Variants in QRSL1 observed in about 807,000 individuals in gnomAD.
The protein encoded by QRSL1 is glutaminyl-tRNA amidotransferase subunit QRSL1.
QRSL1 carries 54 observed loss-of-function variants against 61.6 expected under a neutral mutation model. The ratio of observed to expected loss-of-function variants is 0.88; its 90% CI spans 0.70 to 1.10. QRSL1 has a LOEUF of 1.10. Ranked by LOEUF, QRSL1 falls within the 50% of genes least tolerant of loss-of-function variation. The pLI is 0.00. For synonymous variants in QRSL1, 228 were observed against 225.7 expected, an observed-to-expected ratio of 1.01 and a Z score of -0.09; for missense variants, 505 against 622.6, an observed-to-expected ratio of 0.81 and a Z score of 2.01.
intron 2 of QRSL1, 99 bp from the exon 3 acceptor site, chr6:106,640,724 A>G (rs1777003935): frequency 2.6e-6 from 3 of 1,158,924 alleles, no homozygotes; most frequent in Admixed American, 2.1e-5. Context: ...CTGAAGAAGT[A>G]TCTTTGCCAA....
chr6:106,635,892 C>A (rs563036313), intron 1 of QRSL1, among the ~76,000 whole-genome samples: 2 of 151,824 alleles, frequency 1.3e-5, no homozygotes, highest in Admixed American at 6.6e-5. Flanking sequence ...AAAGACAGTT[C>A]TTTTCCTAAG....
At chr6:106,657,039 G>A (rs1008780912) in intron 9 of QRSL1, among the ~76,000 whole-genome samples, 2 of 152,206 alleles carry the variant, frequency 1.3e-5, no homozygotes, top group African/African-American at 4.8e-5. Flanking sequence ...GAAGGCCGAG[G>A]TGGGCAGATC....
intron 7 of QRSL1, 81 bp downstream of exon 7, chr6:106,652,663 G>C: frequency 6.3e-7 from 1 of 1,590,864 alleles, no homozygotes; most frequent in Non-Finnish European, 8.6e-7. Context: ...GATTGGGTGG[G>C]TTTGAATCTC....
chr6:106,647,572 AG>A (rs1453046163), intron 4 of QRSL1, among the ~76,000 whole-genome samples: 41 of 142,590 alleles, frequency 2.9e-4, no homozygotes, highest in African/African-American at 7.8e-4. Context: ...AAAAAAAAAA[AG>A]AGAGAGACAA....
At chr6:106,660,247 G>A (rs752047104) in intron 9 of QRSL1, among the ~76,000 whole-genome samples, 1 of 152,006 alleles carries the variant, frequency 6.6e-6, no homozygotes, top group Non-Finnish European at 1.5e-5. Flanking sequence ...CACCCAAGCC[G>A]GAGTGCATTG....
intron 4 of QRSL1, among the ~76,000 whole-genome samples, chr6:106,643,876 CTTT>C (rs796253115): frequency 1.4e-5 from 2 of 142,540 alleles, no homozygotes; most frequent in Admixed American, 7.0e-5. Context: ...TCTTTTCATT[CTTT>C]TTTTTTTTTG....
At chr6:106,659,438 C>T (rs537658256) in intron 9 of QRSL1, among the ~76,000 whole-genome samples, 234 of 150,156 alleles carry the variant, frequency 1.6e-3, no homozygotes, top group Middle Eastern at 3.5e-3. Flanking sequence ...GCACCCCAGC[C>T]TGGGTGACGG....
intron 4 of QRSL1, among the ~76,000 whole-genome samples, chr6:106,645,409 G>C (rs561768397): frequency 2.0e-5 from 3 of 151,340 alleles, no homozygotes; most frequent in Non-Finnish European, 3.0e-5. Context: ...TGATTTATTC[G>C]TGTGTTTTAT....
chr6:106,641,344 A>G (rs1777016177), intron 3 of QRSL1, among the ~76,000 whole-genome samples: 1 of 152,186 alleles, frequency 6.6e-6, no homozygotes, highest in Admixed American at 6.5e-5. Flanking sequence ...TATAACCTCT[A>G]CCTTCAGCTC....
chr6:106,633,260 A>G (rs1776865768), intron 1 of QRSL1, among the ~76,000 whole-genome samples: 2 of 152,206 alleles, frequency 1.3e-5, no homozygotes, highest in Admixed American at 6.5e-5. Flanking sequence ...TATTTTTTCC[A>G]CATCACTGTA....
chr6:106,644,392 A>G (rs1777075154), intron 4 of QRSL1, among the ~76,000 whole-genome samples: 1 of 152,188 alleles, frequency 6.6e-6, no homozygotes, highest in Non-Finnish European at 1.5e-5. Flanking sequence ...TCCTGGCATC[A>G]AGTGATCCTC....
At position 106,640,870 on chromosome 6, in the gene QRSL1, A is replaced by G. The variant is rs1777008911; in HGVS notation, c.232A>G (p.Asn78Asp). The change falls in exon 3 of 11, where the codon AAT (asparagine) becomes GAT (aspartate). Residue 78 changes from asparagine (N) to aspartate (D), a missense_variant. Transcript: ENST00000369046. ...LDGIPIAVKD[N>D]FSTSGIETTC... ...TGGAATTCCTATTGCAGTAAAAGAC[A>G]ATTTCAGCACTTCTGGCATTGAGAC... 1 of 1,613,774 alleles carries G rather than the reference A, an allele frequency of 6.2e-7. No individual in the cohort carries two copies.
chr6:106,651,025 C>T (rs1267749962), intron 5 of QRSL1, among the ~76,000 whole-genome samples: 2 of 152,146 alleles, frequency 1.3e-5, no homozygotes, highest in African/African-American at 4.8e-5. Context: ...AACATGCAAT[C>T]AGTCTTCAGA....
At chr6:106,640,622 G>A in intron 2 of QRSL1, 114 bp downstream of exon 2, 1 of 1,072,892 alleles carries the variant, frequency 9.3e-7, no homozygotes, top group Non-Finnish European at 1.3e-6. Flanking sequence ...CTTATTTAAA[G>A]AACTTGCCAT....
chr6:106,642,183 G>A (rs1329658837), intron 3 of QRSL1, among the ~76,000 whole-genome samples: 1 of 152,108 alleles, frequency 6.6e-6, no homozygotes, highest in African/African-American at 2.4e-5. Flanking sequence ...CACCTCCTAA[G>A]TAGCTGAAAT....
intron 9 of QRSL1, among the ~76,000 whole-genome samples, chr6:106,659,470 A>G (rs894745327): frequency 2.6e-5 from 4 of 152,068 alleles, no homozygotes; most frequent in Non-Finnish European, 5.9e-5. Context: ...GTCTCCAAAA[A>G]AAAAAAAAAA....
intron 5 of QRSL1, 68 bp from the exon 6 acceptor site, chr6:106,652,141 A>C: frequency 7.1e-7 from 1 of 1,404,556 alleles, no homozygotes; most frequent in Non-Finnish European, 9.7e-7. Flanking sequence ...TATACAATTG[A>C]AAGGGTAGAT....
rs769008532 is a variant in QRSL1, at chr6:106,640,372, C to T, written c.48C>T (p.Gly16=). The change falls in exon 2 of 11, where the codon GGC becomes GGT. Residue 16 remains glycine (G), a synonymous_variant. Transcript: ENST00000369046. ...LREVSAALKQ[G]QITPTELCQK... ...AGGTTTCTGCGGCACTGAAACAAGG[C>T]CAAATTACACCAACAGAGCTCTGTC... 1 of 1,612,502 alleles carries T rather than the reference C, an allele frequency of 6.2e-7. No individual in the cohort carries two copies. Among genetic ancestry groups the T allele is most frequent in the Non-Finnish European group, 8.5e-7 (1 of 1,179,392 alleles).
intron 1 of QRSL1, among the ~76,000 whole-genome samples, chr6:106,639,134 T>TG (rs200061660): frequency 0.34 from 46,474 of 135,740 alleles, 9,008 homozygotes; most frequent in Non-Finnish European, 0.41. Flanking sequence ...TTTTTTTTTT[T>TG]TTTTTTTTTT....
Sources: allele counts gnomAD v4.1 joint callset (sites outside exome capture counted in the v4.1 genomes callset), GRCh38; gene constraint gnomAD v4.1.1; transcripts MANE v1.5; gene names NCBI Gene and HGNC (gene_info 2026-07-23, HGNC 2026-07-21).